Variants in CIROZ observed in about 807,000 individuals in gnomAD.
The protein encoded by CIROZ is ciliated left-right organizer ZP-N domains-containing protein.
the CIROZ span, among the ~76,000 whole-genome samples, chr1:10,976,796 T>C: frequency 6.6e-6 from 1 of 151,316 alleles, no homozygotes; most frequent in Non-Finnish European, 1.5e-5. Flanking sequence ...AGTGGTGAGA[T>C]ACAGAGAGCC....
At chr1:10,973,422 G>A in the CIROZ span, among the ~76,000 whole-genome samples, 3 of 152,152 alleles carry the variant, frequency 2.0e-5, no homozygotes, top group Admixed American at 6.6e-5. Flanking sequence ...AGTCAGCCAC[G>A]TGGGTAGTCA....
the CIROZ span, chr1:10,954,919 G>T: frequency 6.8e-7 from 1 of 1,463,634 alleles, no homozygotes; most frequent in Non-Finnish European, 9.3e-7. Context: ...GACCACATAT[G>T]GCATCGGTGA....
the CIROZ span, chr1:10,953,944 C>T: frequency 6.6e-7 from 1 of 1,512,334 alleles, no homozygotes; most frequent in East Asian, 2.4e-5. Context: ...AGAAAGAACC[C>T]CAGGGCCAAG....
the CIROZ span, among the ~76,000 whole-genome samples, chr1:10,956,624 C>T: frequency 1.4e-4 from 21 of 152,096 alleles, no homozygotes; most frequent in Non-Finnish European, 2.6e-4. Flanking sequence ...TACAGGCCCC[C>T]GCCACCACGC....
chr1:10,963,919 C>T, the CIROZ span, among the ~76,000 whole-genome samples: 1 of 152,154 alleles, frequency 6.6e-6, no homozygotes, highest in Non-Finnish European at 1.5e-5. Flanking sequence ...CCATCTCACT[C>T]GTCCTTGCTC....
the CIROZ span, chr1:10,957,841 C>A: frequency 7.0e-7 from 1 of 1,435,334 alleles, no homozygotes; most frequent in Admixed American, 2.1e-5. Flanking sequence ...GAAGGGTCAC[C>A]TAGGAAGGCA....
At chr1:10,951,743 A>T in the CIROZ span, among the ~76,000 whole-genome samples, 1,993 of 124,316 alleles carry the variant, frequency 0.016, 43 homozygotes, top group African/African-American at 0.047. Context: ...AAAAAAAAAA[A>T]AAATATATAT....
At chr1:10,972,502 T>C in the CIROZ span, among the ~76,000 whole-genome samples, 1 of 151,164 alleles carries the variant, frequency 6.6e-6, no homozygotes, top group African/African-American at 2.4e-5. Context: ...AATGGGAATA[T>C]GGAATAATAT....
At chr1:10,974,416 G>A in the CIROZ span, among the ~76,000 whole-genome samples, 4 of 152,090 alleles carry the variant, frequency 2.6e-5, no homozygotes, top group East Asian at 1.9e-4. This position sits in a 1 kb window ranked among gnomAD's most constrained non-coding sequence, Gnocchi z 4.4. Context: ...AAAGCTAACC[G>A]CTCTGCTGAC....
chr1:10,947,692 C>T, the CIROZ span: 1 of 1,524,500 alleles, frequency 6.6e-7, no homozygotes. Context: ...GAAAGCCCCT[C>T]CACACTGTCT....
chr1:10,977,182 C>G, the CIROZ span, among the ~76,000 whole-genome samples: 1 of 151,872 alleles, frequency 6.6e-6, no homozygotes. Flanking sequence ...TGTGAGCCAC[C>G]ATGCCTGGCC....
the CIROZ span, among the ~76,000 whole-genome samples, chr1:10,971,115 C>G: frequency 0.028 from 1 of 36 alleles, no homozygotes; most frequent in Non-Finnish European, 0.083. Context: ...CGCCACTACA[C>G]TCCAGCCTAA....
At chr1:10,966,514 G>A in the CIROZ span, 1 of 1,502,724 alleles carries the variant, frequency 6.7e-7, no homozygotes. Flanking sequence ...AACGTGGGTT[G>A]AGCCTGTGGA....
the CIROZ span, among the ~76,000 whole-genome samples, chr1:10,955,354 G>A: frequency 1.3e-5 from 2 of 152,126 alleles, no homozygotes. Context: ...TGCCTGGGCT[G>A]AAACTTAGCT....
At chr1:10,970,144 G>A in the CIROZ span, 5 of 1,407,928 alleles carry the variant, frequency 3.6e-6, no homozygotes, top group African/African-American at 4.4e-5. Context: ...GAGGAAGGAA[G>A]GAAGGAAGGA....
the CIROZ span, among the ~76,000 whole-genome samples, chr1:10,962,125 T>C: frequency 1.3e-5 from 2 of 152,116 alleles, no homozygotes; most frequent in South Asian, 2.1e-4. Flanking sequence ...TCCAGCACTT[T>C]GTTTGAGCCG....
chr1:10,968,671 G>C, the CIROZ span, among the ~76,000 whole-genome samples: 1 of 152,184 alleles, frequency 6.6e-6, no homozygotes, highest in Admixed American at 6.5e-5. Context: ...TTTATGGAAG[G>C]CAGCAGGCAC....
the CIROZ span, among the ~76,000 whole-genome samples, chr1:10,967,492 A>G: frequency 1.3e-5 from 2 of 151,882 alleles, no homozygotes; most frequent in African/African-American, 2.4e-5. Flanking sequence ...GCCCTCCTTC[A>G]CCCTTTTCTG....
the CIROZ span, chr1:10,949,667 A>G: frequency 6.2e-6 from 10 of 1,607,536 alleles, no homozygotes; most frequent in Non-Finnish European, 7.6e-6. Flanking sequence ...GTCCCGAGAA[A>G]GCCATTCCTG....
Sources: allele counts gnomAD v4.1 joint callset (sites outside exome capture counted in the v4.1 genomes callset), GRCh38; gene constraint gnomAD v4.1.1; non-coding constraint Gnocchi (gnomAD v3.1); transcripts MANE v1.5; gene names NCBI Gene and HGNC (gene_info 2026-07-23, HGNC 2026-07-21).